Variants in C1orf21 observed in about 807,000 individuals in gnomAD.
C1orf21 encodes the protein chromosome 1 open reading frame 21.
A neutral mutation model predicts 18.7 loss-of-function variants in C1orf21; 3 were observed. The ratio of observed to expected loss-of-function variants is 0.16; its 90% CI spans 0.07 to 0.42. The LOEUF is 0.42. Among genes scored for constraint, C1orf21 ranks in the 10% least tolerant of loss-of-function variants. C1orf21 has a pLI of 0.99. For missense variants in C1orf21, 104 were observed against 143.6 expected (o/e 0.72, Z 1.41); for synonymous variants, 41 against 46.4 (o/e 0.88, Z 0.47).
intron 2 of C1orf21, among the ~76,000 whole-genome samples, chr1:184,496,112 G>A (rs934625961): frequency 2.6e-5 from 4 of 151,984 alleles, no homozygotes; most frequent in Non-Finnish European, 5.9e-5. Flanking sequence ...GGTAGAAAAG[G>A]GGGCAGGTAA....
chr1:184,446,337 C>CT (rs1285076182), intron 1 of C1orf21, among the ~76,000 whole-genome samples: 1 of 151,982 alleles, frequency 6.6e-6, no homozygotes, highest in Non-Finnish European at 1.5e-5. Flanking sequence ...TCAGCCTCAC[C>CT]TTTTTTACTG....
At chr1:184,531,898 T>C (rs1658467753) in intron 3 of C1orf21, among the ~76,000 whole-genome samples, 1 of 152,208 alleles carries the variant, frequency 6.6e-6, no homozygotes, top group Non-Finnish European at 1.5e-5. Context: ...ACTCCCAATG[T>C]TTATCTCTTA....
chr1:184,464,812 G>T (rs1180905724), intron 1 of C1orf21, among the ~76,000 whole-genome samples: 2 of 152,180 alleles, frequency 1.3e-5, no homozygotes, highest in Non-Finnish European at 2.9e-5. Context: ...GTGATGAAGA[G>T]GTTGCTTAGC....
intron 2 of C1orf21, among the ~76,000 whole-genome samples, chr1:184,486,018 T>C (rs79949877): frequency 1.3e-5 from 2 of 152,304 alleles, no homozygotes; most frequent in African/African-American, 4.8e-5. Context: ...GTTTAGGCTT[T>C]GAAGACTCCC....
At chr1:184,439,680 G>A (rs1656915097) in intron 1 of C1orf21, among the ~76,000 whole-genome samples, 1 of 152,186 alleles carries the variant, frequency 6.6e-6, no homozygotes, top group South Asian at 2.1e-4. Flanking sequence ...GCTGGGCACA[G>A]TGGCTCACGC....
At chr1:184,568,314 C>T (rs1459359617) in intron 3 of C1orf21, 2 of 404,288 alleles carry the variant, frequency 4.9e-6, no homozygotes, top group African/African-American at 4.1e-5. Flanking sequence ...TCACCACCAT[C>T]CATCTCCAGG....
At chr1:184,390,808 T>C (rs969575792) in intron 1 of C1orf21, among the ~76,000 whole-genome samples, 4 of 152,300 alleles carry the variant, frequency 2.6e-5, no homozygotes, top group Admixed American at 2.6e-4. Flanking sequence ...GCCTCAATTT[T>C]AAAAGTCCCG....
intron 1 of C1orf21, among the ~76,000 whole-genome samples, chr1:184,392,819 CTTTTTTT>C (rs397861528): frequency 2.1e-5 from 2 of 96,822 alleles, no homozygotes; most frequent in African/African-American, 8.3e-5. Flanking sequence ...GACATTCCTC[CTTTTTTT>C]TTTTTTTTTT....
At chr1:184,444,757 C>T (rs936201425) in intron 1 of C1orf21, among the ~76,000 whole-genome samples, 1 of 152,064 alleles carries the variant, frequency 6.6e-6, no homozygotes, top group African/African-American at 2.4e-5. Context: ...GTGCTATTTT[C>T]AAGCATTCAA....
chr1:184,426,394 G>A (rs910284576), intron 1 of C1orf21, among the ~76,000 whole-genome samples: 4 of 152,018 alleles, frequency 2.6e-5, no homozygotes, highest in African/African-American at 4.8e-5. Context: ...TGATTACATC[G>A]CTCCCCTGCT....
At chr1:184,482,707 C>T (rs1657675874) in intron 2 of C1orf21, among the ~76,000 whole-genome samples, 1 of 152,196 alleles carries the variant, frequency 6.6e-6, no homozygotes, top group Admixed American at 6.5e-5. Flanking sequence ...TTGGGGATGG[C>T]TCTGAAGTAT....
chr1:184,442,157 GTTAAA>G (rs1042741932), intron 1 of C1orf21, among the ~76,000 whole-genome samples: 1 of 152,118 alleles, frequency 6.6e-6, no homozygotes, highest in Non-Finnish European at 1.5e-5. Flanking sequence ...TATGGTAATG[GTTAAA>G]TTAAATGGGA....
intron 3 of C1orf21, among the ~76,000 whole-genome samples, chr1:184,575,611 TAAA>T (rs59167087): frequency 1.2e-4 from 10 of 83,460 alleles, no homozygotes; most frequent in Non-Finnish European, 1.3e-4. Flanking sequence ...CACAAAAAGG[TAAA>T]AAAAAAAAAA....
chr1:184,474,918 G>A (rs185291174), intron 1 of C1orf21, among the ~76,000 whole-genome samples: 2 of 152,322 alleles, frequency 1.3e-5, no homozygotes, highest in Admixed American at 1.3e-4. Context: ...GAAGCAGGGG[G>A]ATGGATGCTG....
chr1:184,533,492 T>C (rs1192298392), intron 3 of C1orf21, among the ~76,000 whole-genome samples: 1 of 152,216 alleles, frequency 6.6e-6, no homozygotes, highest in Non-Finnish European at 1.5e-5. Context: ...GTCTTTTATT[T>C]TTAATACTTC....
At chr1:184,473,949 T>G (rs7552921) in intron 1 of C1orf21, among the ~76,000 whole-genome samples, 2,395 of 152,318 alleles carry the variant, frequency 0.016, 64 homozygotes, top group African/African-American at 0.053. Context: ...TATCTGTCAC[T>G]TAGTATTTTA....
intron 3 of C1orf21, among the ~76,000 whole-genome samples, chr1:184,553,818 A>G (rs1658843618): frequency 6.6e-6 from 1 of 152,212 alleles, no homozygotes; most frequent in Non-Finnish European, 1.5e-5. Context: ...GACATCAGAG[A>G]TGGCATGCCA....
intron 3 of C1orf21, among the ~76,000 whole-genome samples, chr1:184,573,740 T>C (rs1008933658): frequency 2.0e-5 from 3 of 152,294 alleles, no homozygotes; most frequent in Admixed American, 6.5e-5. Flanking sequence ...AAATTCAACC[T>C]GGATGACAGG....
chr1:184,551,276 G>T (rs1658808859), intron 3 of C1orf21, among the ~76,000 whole-genome samples: 1 of 152,100 alleles, frequency 6.6e-6, no homozygotes, highest in African/African-American at 2.4e-5. Context: ...AGAAAAAAAT[G>T]ACTACCTAAC....
Sources: allele counts gnomAD v4.1 joint callset (sites outside exome capture counted in the v4.1 genomes callset), GRCh38; gene constraint gnomAD v4.1.1; transcripts MANE v1.5; gene names NCBI Gene and HGNC (gene_info 2026-07-23, HGNC 2026-07-21).